Variants in CACNA1S observed in about 807,000 individuals in gnomAD.
CACNA1S encodes voltage-dependent L-type calcium channel subunit alpha-1S.
Under a neutral mutation model 207.4 loss-of-function variants are expected in CACNA1S, and 126 were observed. The observed-to-expected ratio is 0.61, with a 90% CI of 0.53 to 0.70. The LOEUF (loss-of-function observed/expected upper bound fraction) is 0.70, where lower values mean the gene tolerates loss of function less well. Among genes scored for constraint, CACNA1S ranks in the 30% least tolerant of loss-of-function variants. The probability of loss-of-function intolerance (pLI) is 0.00; values close to 1 mark genes in which losing one functional copy is unlikely to be tolerated. For synonymous variants in CACNA1S, 960 were observed against 932.7 expected (o/e 1.03, Z -0.53); for missense variants, 2,349 against 2,422.8 (o/e 0.97, Z 0.64).
rs751331374 is a variant in CACNA1S, at chr1:201,072,870, G to A, written c.2158-46C>T. On this transcript the variant is annotated intron_variant, in intron 15 of 43. Transcript: ENST00000362061. Reference sequence around the variant, plus strand: ...ACTATAACAATGAAAAAGAAGTTGCGGTTTCCCCTCAATGAGCATATACTG... The same window carrying A: ...ACTATAACAATGAAAAAGAAGTTGCAGTTTCCCCTCAATGAGCATATACTG... The A allele has an allele frequency of 1.3e-5, 19 of 1,492,482 alleles. No individual in the cohort carries two copies. The Admixed American group carries it at 1.3e-4, about 11-fold the overall frequency. The allele number at this position is 1,492,482 out of a possible 1,614,324, so 92.5% of individuals were successfully genotyped here.
At chr1:201,104,171 C>T (rs1426047730) in intron 2 of CACNA1S, among the ~76,000 whole-genome samples, 2 of 152,242 alleles carry the variant, frequency 1.3e-5, no homozygotes, top group African/African-American at 4.8e-5. Context: ...CAGGGTTTCT[C>T]AACCTCAGCC....
chr1:201,083,350 C>T (rs1311801914), intron 9 of CACNA1S, 28 bp from the exon 10 acceptor site: 7 of 1,612,912 alleles, frequency 4.3e-6, no homozygotes, highest in Non-Finnish European at 5.9e-6. Context: ...GGATGGTCTA[C>T]AGTGCTGTGC....
chr1:201,087,657 C>A (rs1301444780), intron 7 of CACNA1S, among the ~76,000 whole-genome samples, 169 bp downstream of exon 7: 1 of 152,098 alleles, frequency 6.6e-6, no homozygotes, highest in Non-Finnish European at 1.5e-5. Flanking sequence ...GGGCCTGACT[C>A]ACAGCCCCCT....
chr1:201,087,794 T>G (rs1402253160), intron 7 of CACNA1S, 32 bp downstream of exon 7: 2 of 1,437,934 alleles, frequency 1.4e-6, no homozygotes, highest in East Asian at 4.7e-5. Context: ...CCTCTTTCTC[T>G]TTTCTCCCCT....
chr1:201,076,587 T>G (rs576615838), intron 12 of CACNA1S, among the ~76,000 whole-genome samples: 1 of 152,350 alleles, frequency 6.6e-6, no homozygotes, highest in African/African-American at 2.4e-5. Context: ...GACTTTGCCC[T>G]GAGACCTGAG....
In CACNA1S at chr1:201,066,321, G is replaced by T. The variant is rs1476160747; in HGVS notation, c.2658-5C>A. ...ACCACGGAGATGGCACTGGACCTGGGGGGCGGCAATGGTGAGGGGGCTGAG... is the reference window on the plus strand; with the variant it reads ...ACCACGGAGATGGCACTGGACCTGGTGGGCGGCAATGGTGAGGGGGCTGAG... On this transcript the variant is annotated splice_polypyrimidine_tract_variant and splice_region_variant and intron_variant, in intron 20 of 43. Transcript: ENST00000362061. The surrounding 1 kb of genome is among the most constrained non-coding windows in gnomAD (Gnocchi z 4.3). The T allele has an allele frequency of 6.2e-7, 1 of 1,609,528 alleles. No homozygotes were observed.
Position 201,068,231 on chromosome 1 carries a change from CTTTTTTTTTTTTT to C in CACNA1S, c.2550+893_2550+905del, listed in dbSNP as rs60151209. Among the ~76,000 whole-genome samples the C allele has an allele frequency of 1.0e-3, 48 of 47,016 alleles. No individual in the cohort carries two copies. In the East Asian group the frequency reaches 0.013, roughly 13 times the overall value. 30.8% of individuals were successfully genotyped at this position (47,016 alleles called of 152,430 possible). On this transcript the variant is annotated intron_variant, in intron 19 of 43. Transcript: ENST00000362061. Reference sequence around the variant, plus strand: ...AATCACACAGCTCCCCGGCTCTGCTCTTTTTTTTTTTTTTTTTTTTTTTTTTTTTTGAGATGGA... The same window carrying C: ...AATCACACAGCTCCCCGGCTCTGCTCTTTTTTTTTTTTTTTTTGAGATGGA...
rs1004509274 is a variant in CACNA1S at position 201,062,455 on chromosome 1, C to A, written c.2906+7G>T. The A allele has an allele frequency of 1.9e-6, 3 of 1,613,058 alleles. No individual in the cohort carries two copies. In the African/African-American group the frequency reaches 4.0e-5, roughly 22 times the overall value. ...GACCGTCCCACTGTGCTCCCTGCCC[C>A]ATGTACCTGCACTCCTCCTCTGTCA... On this transcript the variant is annotated splice_region_variant and intron_variant, in intron 23 of 43. Transcript: ENST00000362061.
intron 2 of CACNA1S, among the ~76,000 whole-genome samples, chr1:201,106,221 A>G (rs907526511): frequency 2.2e-5 from 3 of 138,532 alleles, no homozygotes; most frequent in African/African-American, 8.3e-5. Context: ...TCTTAAGGCC[A>G]CCTCACAGCC....
chr1:201,041,454 A>ACTC, intron 41 of CACNA1S, 50 bp downstream of exon 41: 1 of 1,420,660 alleles, frequency 7.0e-7, no homozygotes, highest in South Asian at 1.2e-5. Context: ...GGCTTCCCGG[A>ACTC]CTCCTCTGGG....
intron 5 of CACNA1S, among the ~76,000 whole-genome samples, chr1:201,090,765 T>C (rs1325473020): frequency 1.3e-5 from 2 of 152,296 alleles, no homozygotes; most frequent in East Asian, 3.9e-4. Context: ...AGAGGCTACA[T>C]GAGTTGTGAT....
At chr1:201,103,671 C>G (rs890704331) in intron 2 of CACNA1S, among the ~76,000 whole-genome samples, 3 of 152,198 alleles carry the variant, frequency 2.0e-5, no homozygotes, top group Admixed American at 2.0e-4. Context: ...CAGGCTCAAA[C>G]CACCCTGTGC....
At chr1:201,052,131 G>A (rs1036205483) in intron 32 of CACNA1S, among the ~76,000 whole-genome samples, 2 of 152,184 alleles carry the variant, frequency 1.3e-5, no homozygotes, top group African/African-American at 4.8e-5. Flanking sequence ...CTGTGCCCTG[G>A]CCAAGCATAG....
intron 2 of CACNA1S, among the ~76,000 whole-genome samples, chr1:201,094,920 G>C (rs1662362908): frequency 6.6e-6 from 1 of 152,024 alleles, no homozygotes; most frequent in Non-Finnish European, 1.5e-5. Context: ...GCCCAGGTGA[G>C]AGCTATTTCT....
At chr1:201,105,322 C>T (rs1662837498) in intron 2 of CACNA1S, among the ~76,000 whole-genome samples, 2 of 152,156 alleles carry the variant, frequency 1.3e-5, no homozygotes, top group African/African-American at 4.8e-5. Flanking sequence ...GATCAAAGTT[C>T]CTTCTGTTGA....
chr1:201,081,127 T>A (rs1334331515), intron 10 of CACNA1S, among the ~76,000 whole-genome samples: 2 of 152,132 alleles, frequency 1.3e-5, no homozygotes, highest in Non-Finnish European at 2.9e-5. Context: ...CCTGGCTCTA[T>A]GTAGGTATGA....
chr1:201,085,324 AC>A, intron 8 of CACNA1S, 111 bp downstream of exon 8: 1 of 1,432,368 alleles, frequency 7.0e-7, no homozygotes, highest in Non-Finnish European at 9.8e-7. Flanking sequence ...CAAGTCACTC[AC>A]CCTCAAAGGA....
chr1:201,043,794 G>T (rs1013610127), intron 39 of CACNA1S, among the ~76,000 whole-genome samples: 1 of 152,102 alleles, frequency 6.6e-6, no homozygotes, highest in African/African-American at 2.4e-5. Context: ...TGGTGTAGGG[G>T]AGAGAGGGCT....
At chr1:201,051,345 G>T (rs1479284279) in intron 32 of CACNA1S, among the ~76,000 whole-genome samples, 1 of 152,174 alleles carries the variant, frequency 6.6e-6, no homozygotes, top group Admixed American at 6.5e-5. Context: ...GCCCTCATGG[G>T]GTGTTACAAG....
Sources: gnomAD v4.1 joint callset for allele counts (sites outside exome capture counted in the v4.1 genomes callset) on GRCh38, gnomAD v4.1.1 for gene constraint, Gnocchi (gnomAD v3.1) non-coding constraint, MANE v1.5 for transcripts, NCBI Gene and HGNC (gene_info 2026-07-23, HGNC 2026-07-21) for gene names.